TBL1XR1: variants seen among roughly 807,000 people sequenced by gnomAD.
The protein encoded by TBL1XR1 is TBL1X/Y related 1.
Under a neutral mutation model 66.9 loss-of-function variants are expected in TBL1XR1, and 5 were observed. The observed-to-expected ratio is 0.07, with a 90% CI of 0.04 to 0.16. The LOEUF is 0.16. Ranked by LOEUF, TBL1XR1 falls within the 10% of genes least tolerant of loss-of-function variation. The probability of loss-of-function intolerance (pLI) is 1.00; values close to 1 mark genes in which losing one functional copy is unlikely to be tolerated. For missense variants in TBL1XR1, 238 were observed against 623.2 expected, an observed-to-expected ratio of 0.38 and a Z score of 6.58; for synonymous variants, 210 against 206.0, an observed-to-expected ratio of 1.02 and a Z score of -0.17.
intron 1 of TBL1XR1, among the ~76,000 whole-genome samples, chr3:177,166,231 TAACAATAAC>T: frequency 6.6e-6 from 1 of 151,894 alleles, no homozygotes; most frequent in South Asian, 2.1e-4. Flanking sequence ...CTAAAAATAA[TAACAATAAC>T]AATGATAATG....
At chr3:177,030,106 A>ATGTG (rs926533880) in intron 14 of TBL1XR1, among the ~76,000 whole-genome samples, 2 of 147,942 alleles carry the variant, frequency 1.4e-5, no homozygotes, top group Admixed American at 1.4e-4. Flanking sequence ...GTGTGTGTGT[A>ATGTG]TGTGTGTGTG....
At chr3:177,128,404 TTC>T (rs1053818460) in intron 1 of TBL1XR1, among the ~76,000 whole-genome samples, 1 of 152,090 alleles carries the variant, frequency 6.6e-6, no homozygotes, top group Non-Finnish European at 1.5e-5. Flanking sequence ...GACAGGGTCT[TTC>T]TCTGTCATCC....
At chr3:177,130,370 A>AAAC (rs747069093) in intron 1 of TBL1XR1, among the ~76,000 whole-genome samples, 5 of 152,140 alleles carry the variant, frequency 3.3e-5, no homozygotes, top group African/African-American at 4.8e-5. Flanking sequence ...ATTCAGTCAA[A>AAAC]AACAACAACA....
chr3:177,024,713 GAA>G lies in TBL1XR1; in HGVS notation c.*783_*784del, dbSNP rs148659524. On this transcript the variant is annotated 3_prime_UTR_variant, in exon 16 of 16. Transcript: ENST00000457928. ...AGCCACATCACCAAAAAACAAAAAA[GAA>G]AAAAAAAAAAAAAAAGCAAAACAAA... The G allele has an allele frequency of 9.4e-5, 8 of 85,378 alleles. No homozygotes were observed. The highest frequency in any genetic ancestry group is 3.8e-4 in the South Asian group (1 of 2,648). 5.3% of individuals were successfully genotyped at this position (85,378 alleles called of 1,614,324 possible).
At chr3:177,135,358 T>C (rs1451400540) in intron 1 of TBL1XR1, among the ~76,000 whole-genome samples, 59 of 31,248 alleles carry the variant, frequency 1.9e-3, no homozygotes, top group African/African-American at 6.4e-3. Context: ...TATATATATA[T>C]ATATATATAT....
chr3:177,157,157 T>A (rs1731616041), intron 1 of TBL1XR1, among the ~76,000 whole-genome samples: 1 of 152,166 alleles, frequency 6.6e-6, no homozygotes, highest in South Asian at 2.1e-4. Context: ...TGGAGTGAGC[T>A]GTGATTGTGT....
chr3:177,139,535 G>A (rs1016877334), intron 1 of TBL1XR1, among the ~76,000 whole-genome samples: 188 of 24,182 alleles, frequency 7.8e-3, no homozygotes, highest in African/African-American at 0.043. Flanking sequence ...ACTCCATCTC[G>A]GGGGGAAAAA....
intron 10 of TBL1XR1, among the ~76,000 whole-genome samples, chr3:177,045,656 GACA>G (rs1313575870): frequency 2.0e-5 from 3 of 152,068 alleles, no homozygotes; most frequent in Admixed American, 6.6e-5. Flanking sequence ...ATGAGAAAAT[GACA>G]ACAATACCTA....
intron 2 of TBL1XR1, among the ~76,000 whole-genome samples, chr3:177,092,067 T>C (rs977288042): frequency 6.6e-6 from 1 of 152,194 alleles, no homozygotes; most frequent in African/African-American, 2.4e-5. Context: ...GGACTACAAG[T>C]GTTTCAGATT....
At chr3:177,134,023 C>A (rs1205606518) in intron 1 of TBL1XR1, among the ~76,000 whole-genome samples, 1 of 151,962 alleles carries the variant, frequency 6.6e-6, no homozygotes, top group African/African-American at 2.4e-5. Context: ...CCTTTTCTTC[C>A]CCGGGCAAAG....
intron 1 of TBL1XR1, among the ~76,000 whole-genome samples, chr3:177,188,220 G>A (rs930991333): frequency 5.3e-5 from 8 of 151,050 alleles, no homozygotes; most frequent in South Asian, 4.3e-4. Flanking sequence ...ATCAGCCACC[G>A]TGCCCGGCCC....
chr3:177,043,895 C>T (rs60675808), intron 10 of TBL1XR1, among the ~76,000 whole-genome samples: 2,434 of 152,108 alleles, frequency 0.016, 71 homozygotes, highest in African/African-American at 0.056. Flanking sequence ...AACTTGTCAC[C>T]ATCTACCTTG....
chr3:177,167,706 G>A (rs1205517207), intron 1 of TBL1XR1, among the ~76,000 whole-genome samples: 5 of 152,136 alleles, frequency 3.3e-5, no homozygotes, highest in African/African-American at 7.2e-5. Context: ...CAAGGCAGGC[G>A]GATCACCTAA....
At chr3:177,031,961 A>T (rs1429673239) in intron 14 of TBL1XR1, among the ~76,000 whole-genome samples, 1 of 152,088 alleles carries the variant, frequency 6.6e-6, no homozygotes, top group South Asian at 2.1e-4. Flanking sequence ...ATGATCAAAC[A>T]GTTCACAGAA....
intron 1 of TBL1XR1, among the ~76,000 whole-genome samples, chr3:177,119,738 T>C (rs1288167391): frequency 6.6e-6 from 1 of 152,198 alleles, no homozygotes. Flanking sequence ...CTGGCATACT[T>C]GCGTGGCTAG....
chr3:177,024,466 A>G lies in TBL1XR1; in HGVS notation c.*1032T>C, dbSNP rs1712802102. 1 of 152,520 alleles carries G rather than the reference A, an allele frequency of 6.6e-6. No homozygotes were observed. Among genetic ancestry groups the G allele is most frequent in the South Asian group, 2.1e-4 (1 of 4,832 alleles). 9.4% of individuals were successfully genotyped at this position (152,520 alleles called of 1,614,324 possible). A position where few individuals can be genotyped will look rare whatever the true frequency, so the allele number is the denominator to read the frequency against. The stretch of plus-strand genomic sequence containing the variant: ...GCTAATCCTTATCCAGAAACATTTT[A>G]ATCTCTTAAAAAACAAAGCAAAACA... On this transcript the variant is annotated 3_prime_UTR_variant, in exon 16 of 16. Transcript: ENST00000457928.
chr3:177,187,319 C>G (rs1052576754), intron 1 of TBL1XR1, among the ~76,000 whole-genome samples: 1 of 150,010 alleles, frequency 6.7e-6, no homozygotes, highest in African/African-American at 2.5e-5. Flanking sequence ...CGCTTGAACC[C>G]GGGAGGCAGA....
intron 1 of TBL1XR1, among the ~76,000 whole-genome samples, chr3:177,133,745 TA>T (rs2108794547): frequency 6.6e-6 from 1 of 151,604 alleles, no homozygotes; most frequent in African/African-American, 2.4e-5. Flanking sequence ...CTGCTAAAAA[TA>T]CAAAAATTAG....
At chr3:177,173,663 T>G (rs1279291314) in intron 1 of TBL1XR1, among the ~76,000 whole-genome samples, 1 of 152,122 alleles carries the variant, frequency 6.6e-6, no homozygotes, top group African/African-American at 2.4e-5. Flanking sequence ...GATTGGCTAT[T>G]GGAACAGAAA....
Sources: allele counts gnomAD v4.1 joint callset (sites outside exome capture counted in the v4.1 genomes callset), GRCh38; gene constraint gnomAD v4.1.1; transcripts MANE v1.5; gene names NCBI Gene and HGNC (gene_info 2026-07-23, HGNC 2026-07-21).